The following TST variants were observed in gnomAD, a reference collection of about 807,000 sequenced individuals.
TST encodes the protein thiosulfate sulfurtransferase, also known as epididymis secretory sperm binding protein.
A neutral mutation model predicts 20.4 loss-of-function variants in TST; 22 were observed. The ratio of observed to expected loss-of-function variants is 1.08; its 90% CI spans 0.77 to 1.54. The LOEUF is 1.54. Among genes scored for constraint, TST ranks in the 40% most tolerant of loss-of-function variants. The pLI, the probability that TST is intolerant of heterozygous loss-of-function variation, is 0.00. For missense variants in TST, 392 were observed against 405.2 expected (o/e 0.97, Z 0.28); for synonymous variants, 187 against 173.8 (o/e 1.08, Z -0.60).
At chr22:37,019,694 G>A, upstream of TST, 1 of 389,998 alleles carries the variant, frequency 2.6e-6, no homozygotes, top group Non-Finnish European at 4.5e-6. Flanking sequence ...GGCCCGGCCA[G>A]TGGAAGGCGC....
chr22:37,018,904 G>C (rs560172793), intron 1 of TST, 151 bp from the exon 2 acceptor site: 1 of 548,922 alleles, frequency 1.8e-6, no homozygotes, highest in East Asian at 3.2e-5. Flanking sequence ...GGCGTGCAGC[G>C]GGATAAGTTT....
chr22:37,013,438 A>C (rs130601), intron 2 of TST: 13,139 of 146,912 alleles, frequency 0.089, 1,040 homozygotes, highest in African/African-American at 0.22. Context: ...CCCCATCTCT[A>C]TAGAAAAAAA....
At chr22:37,015,770 G>A (rs1922655078) in intron 2 of TST, among the ~76,000 whole-genome samples, 1 of 151,962 alleles carries the variant, frequency 6.6e-6, no homozygotes, top group African/African-American at 2.4e-5. Flanking sequence ...ACCACGCTGG[G>A]AACCATAAAC....
intron 2 of TST, among the ~76,000 whole-genome samples, chr22:37,016,423 AGG>A (rs923007463): frequency 9.2e-5 from 14 of 152,102 alleles, no homozygotes; most frequent in African/African-American, 3.1e-4. Context: ...AAACTGAAGG[AGG>A]TGTGAACACA....
intron 2 of TST, among the ~76,000 whole-genome samples, chr22:37,017,219 G>C (rs927867405): frequency 2.1e-4 from 32 of 152,276 alleles, no homozygotes; most frequent in African/African-American, 7.7e-4. Context: ...CCGAGGTTCT[G>C]TCTGGCTAGG....
intron 2 of TST, among the ~76,000 whole-genome samples, chr22:37,017,731 C>T (rs959976082): frequency 1.1e-4 from 16 of 152,094 alleles, no homozygotes; most frequent in Non-Finnish European, 1.3e-4. Flanking sequence ...TTCTGCGGGA[C>T]GAGAGAGGCC....
intron 2 of TST, among the ~76,000 whole-genome samples, chr22:37,014,351 C>T (rs1922594988): frequency 6.6e-6 from 1 of 152,174 alleles, no homozygotes; most frequent in African/African-American, 2.4e-5. Flanking sequence ...GCCTGGGTGA[C>T]AGAGCGAGAC....
chr22:37,013,971 G>A (rs1260281057), intron 2 of TST, among the ~76,000 whole-genome samples: 1 of 152,226 alleles, frequency 6.6e-6, no homozygotes, highest in African/African-American at 2.4e-5. Flanking sequence ...CACTGGGCCA[G>A]CTGGACGGGG....
chr22:37,014,419 G>A (rs530708866), intron 2 of TST, among the ~76,000 whole-genome samples: 3 of 152,298 alleles, frequency 2.0e-5, no homozygotes, highest in African/African-American at 4.8e-5. Context: ...GGAAAGGCAC[G>A]TTGGGCCAGA....
rs762496911 is a variant in TST, at chr22:37,018,622, G to C, written c.111C>G (p.Tyr37Ter). 1 of 1,571,278 alleles carries C rather than the reference G, an allele frequency of 6.4e-7. No homozygotes were observed. The highest frequency in any genetic ancestry group is 8.6e-7 in the Non-Finnish European group (1 of 1,158,638). ...PGLRVLDASW[Y>*]SPGTREARKE... Reference sequence around the variant, plus strand: ...TGCGGGCCTCTCGGGTGCCTGGTGAGTACCAGGACGCGTCCAGCACCCGCA... The same window carrying C: ...TGCGGGCCTCTCGGGTGCCTGGTGACTACCAGGACGCGTCCAGCACCCGCA... The change falls in exon 2 of 3, where the codon TAC (tyrosine) becomes TAG (stop). Residue 37 changes from tyrosine (Y) to a stop codon, truncating the protein, a stop_gained. Coordinates refer to ENST00000249042, the MANE Select transcript of TST (RefSeq NM_003312.6). LOFTEE classifies it high-confidence loss of function.
intron 2 of TST, among the ~76,000 whole-genome samples, chr22:37,013,069 C>T (rs961233166): frequency 5.0e-4 from 76 of 152,044 alleles, no homozygotes; most frequent in African/African-American, 1.8e-3. Context: ...TAAACCTCAC[C>T]CACCTCACAG....
At position 37,011,312 on chromosome 22, in the gene TST, G is replaced by T; in HGVS notation, c.609C>A (p.Gly203=). 1 of 1,612,622 alleles carries T rather than the reference G, an allele frequency of 6.2e-7. No individual in the cohort carries two copies. Among genetic ancestry groups the T allele is most frequent in the Non-Finnish European group, 8.5e-7 (1 of 1,178,970 alleles). ...PEPDAVGLDS[G]HIRGAVNMPF... ...GCATGTTGACGGCACCACGGATATG[G>T]CCCGAGTCCAGTCCTGGGCAGGGCA... The change falls in exon 3 of 3, where the codon GGC becomes GGA. Residue 203 remains glycine (G), a synonymous_variant. Coordinates refer to ENST00000249042, the MANE Select transcript of TST (RefSeq NM_003312.6).
rs1413412279 is a variant in TST at position 37,011,063 on chromosome 22, C to T, written c.858G>A (p.Glu286=). ...WSEWFRRAPP[E]SRVSQGKSEK... ...CAGACTTTCCCTGGGACACACGGCT[C>T]TCTGGGGGGGCCCGGCGAAACCACT... Residue 286 remains glutamate, a synonymous_variant, in exon 3 of 3, where the codon GAG becomes GAA. Coordinates refer to ENST00000249042, the MANE Select transcript of TST (RefSeq NM_003312.6). 1.2e-6 allele frequency: 2 copies of T among 1,611,956 alleles called. No individual in the cohort carries two copies. Among genetic ancestry groups the T allele is most frequent in the Non-Finnish European group, 1.7e-6 (2 of 1,179,832 alleles).
rs752587386 is a variant in TST at position 37,018,148 on chromosome 22, C to T, written c.585G>A (p.Pro195=). The change falls in exon 2 of 3, where the codon CCG becomes CCA. Residue 195 remains proline (P), a synonymous_variant. Coordinates refer to ENST00000249042, the MANE Select transcript of TST (RefSeq NM_003312.6). The part of the protein sequence containing the change: ...QGRFLGTEPE[P]DAVGLDSGHI... ...CACTGGGACACCTACCTACTGCATCCGGCTCCGGCTCGGTGCCCAGGAACC... is the reference window on the plus strand; with the variant it reads ...CACTGGGACACCTACCTACTGCATCTGGCTCCGGCTCGGTGCCCAGGAACC... 23 of 1,552,398 alleles carry T rather than the reference C, an allele frequency of 1.5e-5. No homozygotes were observed. Among genetic ancestry groups the T allele is most frequent in the Non-Finnish European group, 1.7e-5 (19 of 1,147,222 alleles).
At chr22:37,011,474 C>A (rs1227693585) in intron 2 of TST, 149 bp from the exon 3 acceptor site, 8 of 871,736 alleles carry the variant, frequency 9.2e-6, no homozygotes, top group Non-Finnish European at 1.4e-5. Context: ...AATTTATTCC[C>A]AGCCCCACCT....
chr22:37,010,935 T>C lies in TST; in HGVS notation c.*92A>G. 2.0e-6 allele frequency: 3 copies of C among 1,495,494 alleles called. No homozygotes were observed. Among genetic ancestry groups the C allele is most frequent in the Non-Finnish European group, 2.7e-6 (3 of 1,110,272 alleles). 92.6% of individuals were successfully genotyped at this position (1,495,494 alleles called of 1,614,324 possible). On this transcript the variant is annotated 3_prime_UTR_variant, in exon 3 of 3. Transcript: ENST00000249042. Reference sequence around the variant, plus strand: ...GCCTTGCACAGCAATTCTAAAAACATGTCATCTCCTTCACCTAAGAGGTAA... The same window carrying C: ...GCCTTGCACAGCAATTCTAAAAACACGTCATCTCCTTCACCTAAGAGGTAA...
At chr22:37,019,338 G>A (rs1469704468) in intron 1 of TST, 62 bp downstream of exon 1, 2 of 151,718 alleles carry the variant, frequency 1.3e-5, no homozygotes, top group African/African-American at 4.8e-5. Context: ...ATCCTTCCCC[G>A]GGCAGCAGGT....
chr22:37,019,818 G>T, upstream of TST: 1 of 1,178,592 alleles, frequency 8.5e-7, no homozygotes, highest in African/African-American at 1.6e-5. Flanking sequence ...CGGGGAGGGG[G>T]CGCCGCGCCG....
At chr22:37,020,034 T>C (rs1417213134), upstream of TST, 1 of 295,962 alleles carries the variant, frequency 3.4e-6, no homozygotes, top group African/African-American at 2.3e-5. Context: ...ACTGTCCGCT[T>C]GGGGCGGCCT....
Sources: gnomAD v4.1 joint callset for allele counts (sites outside exome capture counted in the v4.1 genomes callset) on GRCh38, gnomAD v4.1.1 for gene constraint, MANE v1.5 for transcripts, NCBI Gene and HGNC (gene_info 2026-07-23, HGNC 2026-07-21) for gene names.